Variants in DOCK3 observed in about 807,000 individuals in gnomAD.
DOCK3 encodes the protein dedicator of cytokinesis protein 3.
In DOCK3, 60 loss-of-function variants were observed where a neutral mutation model predicts 265.6. That is an observed-to-expected ratio of 0.23 (90% CI 0.18 to 0.28). DOCK3 has a LOEUF of 0.28. Ranked by LOEUF, DOCK3 falls within the 10% of genes least tolerant of loss-of-function variation. The pLI, the probability that DOCK3 is intolerant of heterozygous loss-of-function variation, is 1.00. For synonymous variants in DOCK3, 881 were observed against 938.0 expected (o/e 0.94, Z 1.11); for missense variants, 1,981 against 2,594.3 (o/e 0.76, Z 5.14).
At chr3:50,877,639 A>G (rs1457684901) in intron 3 of DOCK3, 3 of 430,586 alleles carry the variant, frequency 7.0e-6, no homozygotes, top group Non-Finnish European at 1.4e-5. Context: ...TAGGGCTTCA[A>G]TGGCAGCCAC....
intron 2 of DOCK3, chr3:50,787,039 C>A (rs995748567): frequency 8.1e-6 from 6 of 739,202 alleles, no homozygotes; most frequent in Admixed American, 1.7e-5. Context: ...AGGAAAATTT[C>A]TTTTCTTCAT....
At chr3:51,063,566 A>G (rs2081494915) in intron 5 of DOCK3, among the ~76,000 whole-genome samples, 1 of 152,210 alleles carries the variant, frequency 6.6e-6, no homozygotes, top group Non-Finnish European at 1.5e-5. Flanking sequence ...ATATTTTACT[A>G]ACATCTTAAT....
At chr3:51,164,357 T>G (rs1234197198) in intron 12 of DOCK3, among the ~76,000 whole-genome samples, 1 of 152,150 alleles carries the variant, frequency 6.6e-6, no homozygotes, top group African/African-American at 2.4e-5. Flanking sequence ...GCGCGGTGGC[T>G]CACGCCTGTA....
chr3:51,345,231 A>C (rs957052758), intron 38 of DOCK3, among the ~76,000 whole-genome samples: 2 of 152,184 alleles, frequency 1.3e-5, no homozygotes, highest in African/African-American at 4.8e-5. Flanking sequence ...CGCCCCCTTG[A>C]AAGCTGTGAT....
chr3:50,680,621 C>G (rs2034338544), intron 1 of DOCK3, among the ~76,000 whole-genome samples: 1 of 150,196 alleles, frequency 6.7e-6, no homozygotes, highest in African/African-American at 2.5e-5. Context: ...TGGGCTCAAG[C>G]CATCCTCTCC....
chr3:50,797,927 G>T (rs2108651026), intron 2 of DOCK3, among the ~76,000 whole-genome samples: 1 of 152,226 alleles, frequency 6.6e-6, no homozygotes, highest in East Asian at 1.9e-4. Flanking sequence ...TACAGATAGA[G>T]AATTTATGAA....
chr3:51,133,789 G>C (rs1013154907), intron 9 of DOCK3, among the ~76,000 whole-genome samples: 2 of 141,718 alleles, frequency 1.4e-5, no homozygotes, highest in Non-Finnish European at 3.3e-5. Context: ...AGTTGGGTCA[G>C]GCTGAATTTA....
At chr3:51,265,630 G>A (rs944445070) in intron 23 of DOCK3, among the ~76,000 whole-genome samples, 1 of 152,058 alleles carries the variant, frequency 6.6e-6, no homozygotes. Context: ...TGCAGAAAAG[G>A]CCTTCAATAA....
chr3:50,849,277 T>C (rs1272828672), intron 3 of DOCK3, among the ~76,000 whole-genome samples: 1 of 151,792 alleles, frequency 6.6e-6, no homozygotes, highest in African/African-American at 2.4e-5. Flanking sequence ...TCAAGCAATC[T>C]TCCTTCCTCA....
intron 5 of DOCK3, among the ~76,000 whole-genome samples, chr3:50,972,113 G>C (rs1046393181): frequency 6.6e-6 from 1 of 152,188 alleles, no homozygotes; most frequent in Non-Finnish European, 1.5e-5. Flanking sequence ...CTTCTTTGTG[G>C]AACTTCCTCC....
intron 12 of DOCK3, among the ~76,000 whole-genome samples, chr3:51,161,651 C>T (rs2086149089): frequency 1.3e-5 from 2 of 152,054 alleles, no homozygotes; most frequent in Admixed American, 6.6e-5. Context: ...TATATATTTG[C>T]AGAAAAGCTA....
intron 5 of DOCK3, among the ~76,000 whole-genome samples, chr3:51,055,526 C>T (rs1483687561): frequency 6.6e-6 from 1 of 152,118 alleles, no homozygotes; most frequent in African/African-American, 2.4e-5. Flanking sequence ...TTATTAGTCT[C>T]CCTAAGAAGA....
intron 3 of DOCK3, among the ~76,000 whole-genome samples, chr3:50,866,471 G>A (rs965932694): frequency 8.9e-6 from 1 of 112,130 alleles, no homozygotes; most frequent in Non-Finnish European, 1.8e-5. Flanking sequence ...GTGACAAAGC[G>A]AGACTCTTTT....
At chr3:51,018,773 A>G (rs1464039899) in intron 5 of DOCK3, among the ~76,000 whole-genome samples, 1 of 150,450 alleles carries the variant, frequency 6.6e-6, no homozygotes, top group African/African-American at 2.5e-5. Flanking sequence ...AAAGTTTTGG[A>G]TTTTCAACTT....
At chr3:50,739,149 G>A (rs779975549) in intron 1 of DOCK3, among the ~76,000 whole-genome samples, 1 of 152,054 alleles carries the variant, frequency 6.6e-6, no homozygotes, top group Non-Finnish European at 1.5e-5. Context: ...CACATCTCTT[G>A]CAAGTTTTTG....
chr3:51,083,160 A>C (rs937766514), intron 7 of DOCK3, among the ~76,000 whole-genome samples: 1 of 152,182 alleles, frequency 6.6e-6, no homozygotes, highest in Non-Finnish European at 1.5e-5. Context: ...CCACAGTCTA[A>C]GTCACTGCAG....
intron 9 of DOCK3, among the ~76,000 whole-genome samples, chr3:51,108,061 C>T (rs1467861414): frequency 6.9e-6 from 1 of 145,516 alleles, no homozygotes; most frequent in Non-Finnish European, 1.5e-5. Context: ...TTTTTTGAGA[C>T]AGAGTCTTGC....
At chr3:51,225,880 A>G in intron 15 of DOCK3, 107 bp downstream of exon 15, 1 of 1,389,060 alleles carries the variant, frequency 7.2e-7, no homozygotes, top group Non-Finnish European at 9.6e-7. Context: ...AAATCACCCC[A>G]TCAGCCTTTT....
Position 51,305,235 on chromosome 3 carries a change from G to A in DOCK3, c.2923-4997G>A, listed in dbSNP as rs538654593. ...TTTTTGCATTATATATTTTGAGGCT[G>A]TGCTTTTAGGTTGCATATATGTTTA... On this transcript the variant is annotated intron_variant, in intron 27 of 52. Coordinates refer to ENST00000266037, the MANE Select transcript of DOCK3 (RefSeq NM_004947.5). 1.1e-4 allele frequency among the ~76,000 whole-genome samples: 16 copies of A among 152,208 alleles called. No individual in the cohort carries two copies. The South Asian group carries it at 3.3e-3, about 32-fold the overall frequency.
Sources: allele counts gnomAD v4.1 joint callset (sites outside exome capture counted in the v4.1 genomes callset), GRCh38; gene constraint gnomAD v4.1.1; transcripts MANE v1.5; gene names NCBI Gene and HGNC (gene_info 2026-07-23, HGNC 2026-07-21).